HMCN1: variants seen among roughly 807,000 people sequenced by gnomAD.
The protein encoded by HMCN1 is hemicentin-1.
In HMCN1, 321 loss-of-function variants were observed where a neutral mutation model predicts 625.9. That is an observed-to-expected ratio of 0.51 (90% CI 0.47 to 0.56). The LOEUF (loss-of-function observed/expected upper bound fraction) is 0.56. Ranked by LOEUF, HMCN1 falls within the 20% of genes least tolerant of loss-of-function variation. The probability of loss-of-function intolerance (pLI) is 0.00; values close to 1 mark genes in which losing one functional copy is unlikely to be tolerated. For synonymous variants in HMCN1, 2,425 were observed against 2,417.6 expected, an observed-to-expected ratio of 1.00 and a Z score of -0.09; for missense variants, 6,588 against 6,887.3, an observed-to-expected ratio of 0.96 and a Z score of 1.54.
intron 26 of HMCN1, among the ~76,000 whole-genome samples, chr1:186,000,557 GTA>G (rs138047269): frequency 3.8e-4 from 43 of 112,188 alleles, no homozygotes; most frequent in African/African-American, 1.2e-3. Context: ...GTGTGTGTGT[GTA>G]TGTGTGTGTG....
At chr1:185,927,562 G>A (rs1259549677) in intron 9 of HMCN1, among the ~76,000 whole-genome samples, 5 of 152,108 alleles carry the variant, frequency 3.3e-5, no homozygotes, top group African/African-American at 7.2e-5. Flanking sequence ...TACCAAATAC[G>A]AGTTAAGAGC....
At chr1:186,115,077 G>T (rs1016336502) in intron 74 of HMCN1, 131 bp downstream of exon 74, 57 of 1,440,152 alleles carry the variant, frequency 4.0e-5, no homozygotes, top group Non-Finnish European at 5.1e-5. Flanking sequence ...TGAATAGCAA[G>T]CCCCAAGTTT....
At chr1:186,178,383 T>C (rs749200370) in intron 103 of HMCN1, 33 bp from the exon 104 acceptor site, 1 of 1,497,274 alleles carries the variant, frequency 6.7e-7, no homozygotes, top group South Asian at 1.1e-5. Flanking sequence ...ATGTGTCTTT[T>C]TTTTTCTTTT....
intron 11 of HMCN1, among the ~76,000 whole-genome samples, chr1:185,934,816 A>G (rs966649539): frequency 1.3e-5 from 2 of 152,190 alleles, no homozygotes; most frequent in African/African-American, 4.8e-5. Context: ...GAAAATGACC[A>G]TTCAGTTTCA....
In HMCN1 at chr1:185,915,646, G is replaced by T. The variant is rs145460642; in HGVS notation, c.900+3866G>T. The stretch of plus-strand genomic sequence containing the variant: ...AGACTAGTAGAAATATTTTGGTTTT[G>T]GATAGTTATGTTGGTAGCCAGAGCC... On this transcript the variant is annotated intron_variant, in intron 6 of 106. Transcript: ENST00000271588. Among the ~76,000 whole-genome samples the T allele has an allele frequency of 5.5e-4, 83 of 152,096 alleles. 1 individual carries two copies. The highest frequency in any genetic ancestry group is 2.0e-3 in the African/African-American group (83 of 41,558).
chr1:186,113,861 C>A, intron 72 of HMCN1, 118 bp from the exon 73 acceptor site: 1 of 1,114,308 alleles, frequency 9.0e-7, no homozygotes, highest in South Asian at 1.3e-5. Flanking sequence ...AACCTAGATT[C>A]TTGTAGACAA....
At chr1:185,947,700 A>G (rs1668416155) in intron 11 of HMCN1, among the ~76,000 whole-genome samples, 1 of 152,272 alleles carries the variant, frequency 6.6e-6, no homozygotes, top group Non-Finnish European at 1.5e-5. Context: ...GATTGGTTTT[A>G]GTTTTCATTT....
At chr1:186,062,460 A>T (rs1050575488) in intron 47 of HMCN1, 54 bp from the exon 48 acceptor site, 1 of 1,043,976 alleles carries the variant, frequency 9.6e-7, no homozygotes, top group Admixed American at 1.7e-5. Flanking sequence ...ATATCTATAA[A>T]ATAGCAGCTT....
At chr1:186,114,336 A>C (rs1236683449) in intron 73 of HMCN1, among the ~76,000 whole-genome samples, 1 of 152,088 alleles carries the variant, frequency 6.6e-6, no homozygotes, top group African/African-American at 2.4e-5. Context: ...GGCTCATTGC[A>C]ACCTCCACCT....
At chr1:185,983,736 T>A (rs552952248) in intron 18 of HMCN1, among the ~76,000 whole-genome samples, 1 of 152,206 alleles carries the variant, frequency 6.6e-6, no homozygotes, top group East Asian at 1.9e-4. Flanking sequence ...GGTTAAGTCC[T>A]TCTCCCTTGG....
intron 1 of HMCN1, among the ~76,000 whole-genome samples, chr1:185,830,206 A>T (rs1390008372): frequency 2.0e-5 from 3 of 151,478 alleles, no homozygotes; most frequent in East Asian, 3.9e-4. Flanking sequence ...TTACCTGTTC[A>T]CTCTGATGAT....
At chr1:186,036,853 G>A (rs1230338525) in intron 36 of HMCN1, among the ~76,000 whole-genome samples, 1 of 151,878 alleles carries the variant, frequency 6.6e-6, no homozygotes, top group Non-Finnish European at 1.5e-5. Flanking sequence ...GCCTCCCAAA[G>A]TGCTGGGATT....
At chr1:185,973,134 C>T (rs1436603638) in intron 15 of HMCN1, among the ~76,000 whole-genome samples, 1 of 152,074 alleles carries the variant, frequency 6.6e-6, no homozygotes, top group Non-Finnish European at 1.5e-5. Flanking sequence ...GTGGTACCTA[C>T]CTCACTGGTT....
At chr1:185,893,826 C>G (rs560005220) in intron 4 of HMCN1, among the ~76,000 whole-genome samples, 1 of 152,048 alleles carries the variant, frequency 6.6e-6, no homozygotes, top group East Asian at 1.9e-4. Context: ...CATAAGCATA[C>G]AGCTTAATAC....
At chr1:186,160,662 C>A (rs1343898879) in intron 97 of HMCN1, among the ~76,000 whole-genome samples, 2 of 152,074 alleles carry the variant, frequency 1.3e-5, no homozygotes, top group African/African-American at 4.8e-5. Flanking sequence ...TTATTTCTGC[C>A]TTGATTTCGT....
At chr1:185,782,476 G>T (rs966070299) in intron 1 of HMCN1, among the ~76,000 whole-genome samples, 1 of 152,188 alleles carries the variant, frequency 6.6e-6, no homozygotes, top group Non-Finnish European at 1.5e-5. Context: ...TCTTTGCAGT[G>T]GTTGGTATCA....
At chr1:186,042,119 G>A (rs939945331) in intron 40 of HMCN1, among the ~76,000 whole-genome samples, 38 of 152,078 alleles carry the variant, frequency 2.5e-4, no homozygotes, top group African/African-American at 8.7e-4. Flanking sequence ...AGTTGGCATC[G>A]GTACACTAGC....
At chr1:185,808,396 G>A (rs1371201914) in intron 1 of HMCN1, among the ~76,000 whole-genome samples, 1 of 152,024 alleles carries the variant, frequency 6.6e-6, no homozygotes, top group Non-Finnish European at 1.5e-5. Context: ...GTGCATGCCT[G>A]TAGTCCTAAC....
intron 49 of HMCN1, among the ~76,000 whole-genome samples, chr1:186,067,539 G>A (rs1658204537): frequency 6.6e-6 from 1 of 152,068 alleles, no homozygotes; most frequent in Non-Finnish European, 1.5e-5. Flanking sequence ...TGGACTGGAT[G>A]CTAACTCATT....
Sources: allele counts gnomAD v4.1 joint callset (sites outside exome capture counted in the v4.1 genomes callset), GRCh38; gene constraint gnomAD v4.1.1; transcripts MANE v1.5; gene names NCBI Gene and HGNC (gene_info 2026-07-23, HGNC 2026-07-21).